Variants in TENM3 observed in about 807,000 individuals in gnomAD.
TENM3 encodes the protein teneurin-3.
Under a neutral mutation model 255.1 loss-of-function variants are expected in TENM3, and 63 were observed. The ratio of observed to expected loss-of-function variants is 0.25; its 90% CI spans 0.20 to 0.30. The LOEUF (loss-of-function observed/expected upper bound fraction) is 0.30, where lower values mean the gene tolerates loss of function less well. TENM3 is among the 10% of genes least tolerant of loss of function. TENM3 has a pLI of 1.00. For synonymous variants in TENM3, 1,306 were observed against 1,322.3 expected (o/e 0.99, Z 0.27); for missense variants, 2,929 against 3,461.1 (o/e 0.85, Z 3.86).
In TENM3 at chr4:182,425,671, G is replaced by A. The variant is rs72997348; in HGVS notation, c.511+78742G>A. 3.1e-3 allele frequency among the ~76,000 whole-genome samples: 467 copies of A among 152,108 alleles called. 2 individuals are homozygous for A. Among genetic ancestry groups the A allele is most frequent in the African/African-American group, 0.011 (446 of 41,486 alleles). On this transcript the variant is annotated intron_variant, in intron 3 of 27. Transcript: ENST00000511685. Reference sequence around the variant, plus strand: ...GTATCAAAATATATTGCCCTCTTTCGCAGAATGAATTCAAGTGAATTTTCA... The same window carrying A: ...GTATCAAAATATATTGCCCTCTTTCACAGAATGAATTCAAGTGAATTTTCA...
chr4:182,229,584 T>C (rs926610476), intron 1 of TENM3, among the ~76,000 whole-genome samples: 32 of 151,702 alleles, frequency 2.1e-4, no homozygotes, highest in African/African-American at 7.8e-4. Flanking sequence ...AATATGACCT[T>C]AGACTGTGTG....
At chr4:182,593,497 C>G (rs938139552) in intron 3 of TENM3, among the ~76,000 whole-genome samples, 12 of 152,136 alleles carry the variant, frequency 7.9e-5, no homozygotes, top group African/African-American at 2.9e-4. Context: ...TACTCGTATT[C>G]TGAAGCAGCA....
the TENM3 span, among the ~76,000 whole-genome samples, chr4:181,477,803 C>CATACATATTT: frequency 6.6e-6 from 1 of 152,096 alleles, no homozygotes; most frequent in African/African-American, 2.4e-5. Flanking sequence ...TCCAATTACT[C>CATACATATTT]ATACATATTT....
At chr4:182,721,077 C>G (rs1445257558) in intron 13 of TENM3, among the ~76,000 whole-genome samples, 1 of 152,066 alleles carries the variant, frequency 6.6e-6, no homozygotes, top group Admixed American at 6.6e-5. Flanking sequence ...CTAAAAGTCT[C>G]CCCTCTCTTT....
chr4:182,601,236 C>A, intron 4 of TENM3, 75 bp downstream of exon 4: 1 of 1,193,402 alleles, frequency 8.4e-7, no homozygotes, highest in Non-Finnish European at 1.2e-6. Flanking sequence ...CTTACATATT[C>A]TGGTGTGGTG....
chr4:181,469,498 T>G, the TENM3 span, among the ~76,000 whole-genome samples: 1 of 152,188 alleles, frequency 6.6e-6, no homozygotes, highest in Admixed American at 6.5e-5. Flanking sequence ...CATTTTATTT[T>G]AGAAAACACT....
intron 3 of TENM3, among the ~76,000 whole-genome samples, chr4:182,509,620 G>C (rs189502618): frequency 6.6e-6 from 1 of 152,110 alleles, no homozygotes; most frequent in Non-Finnish European, 1.5e-5. Context: ...AAGAAGGATA[G>C]AATTAAATCA....
intron 3 of TENM3, among the ~76,000 whole-genome samples, chr4:182,555,411 A>G (rs926603230): frequency 6.6e-6 from 1 of 152,226 alleles, no homozygotes; most frequent in African/African-American, 2.4e-5. Context: ...GTGAAAAAAA[A>G]TAGTTGCCTA....
chr4:182,023,728 C>T, the TENM3 span, among the ~76,000 whole-genome samples: 1 of 152,074 alleles, frequency 6.6e-6, no homozygotes, highest in South Asian at 2.1e-4. Flanking sequence ...ATTTTGTGAA[C>T]AATATACCAC....
intron 11 of TENM3, among the ~76,000 whole-genome samples, chr4:182,683,216 C>T: frequency 6.6e-6 from 1 of 152,108 alleles, no homozygotes; most frequent in East Asian, 1.9e-4. Flanking sequence ...TCATGGGACA[C>T]TCTTCACAAA....
the TENM3 span, among the ~76,000 whole-genome samples, chr4:182,116,393 T>G: frequency 4.6e-5 from 7 of 151,182 alleles, no homozygotes; most frequent in East Asian, 9.9e-4. Flanking sequence ...TTGAATGTAG[T>G]TCCCATAATC....
chr4:181,964,639 C>T, the TENM3 span, among the ~76,000 whole-genome samples: 1 of 151,774 alleles, frequency 6.6e-6, no homozygotes, highest in Non-Finnish European at 1.5e-5. Flanking sequence ...ATAGGCTGAT[C>T]GGGCTATTTT....
the TENM3 span, among the ~76,000 whole-genome samples, chr4:181,499,440 C>G: frequency 6.6e-6 from 1 of 152,150 alleles, no homozygotes; most frequent in African/African-American, 2.4e-5. Context: ...TTAGCAACTC[C>G]TTGATAATTC....
the TENM3 span, among the ~76,000 whole-genome samples, chr4:181,770,774 A>G: frequency 2.0e-5 from 3 of 152,058 alleles, no homozygotes; most frequent in Non-Finnish European, 2.9e-5. Flanking sequence ...AAACATGCAC[A>G]TGTAGCCCAC....
chr4:181,463,896 A>G, the TENM3 span, among the ~76,000 whole-genome samples: 1 of 152,180 alleles, frequency 6.6e-6, no homozygotes, highest in African/African-American at 2.4e-5. Context: ...TATAAATAAA[A>G]CCATACAAGA....
chr4:181,493,566 A>T, the TENM3 span, among the ~76,000 whole-genome samples: 1 of 151,896 alleles, frequency 6.6e-6, no homozygotes, highest in East Asian at 1.9e-4. Flanking sequence ...CGTCTCTAGT[A>T]AAAAACAAAC....
the TENM3 span, among the ~76,000 whole-genome samples, chr4:181,667,239 C>CT: frequency 1.3e-5 from 2 of 152,144 alleles, no homozygotes; most frequent in Non-Finnish European, 2.9e-5. Context: ...TTAATTCCTA[C>CT]TTTCAGCCTC....
At chr4:182,345,657 G>A (rs906643726) in intron 2 of TENM3, among the ~76,000 whole-genome samples, 1 of 152,102 alleles carries the variant, frequency 6.6e-6, no homozygotes, top group Non-Finnish European at 1.5e-5. Flanking sequence ...CTCATCCATA[G>A]TAGTATAAAA....
chr4:181,708,497 G>A, the TENM3 span, among the ~76,000 whole-genome samples: 3 of 152,044 alleles, frequency 2.0e-5, no homozygotes, highest in African/African-American at 7.2e-5. Flanking sequence ...TGAAGAAAAG[G>A]TTTGGGTTTG....
Sources: gnomAD v4.1 joint callset for allele counts (sites outside exome capture counted in the v4.1 genomes callset) on GRCh38, gnomAD v4.1.1 for gene constraint, MANE v1.5 for transcripts, NCBI Gene and HGNC (gene_info 2026-07-23, HGNC 2026-07-21) for gene names.